Variants in USH1G observed in about 807,000 individuals in gnomAD.
The protein encoded by USH1G is pre-mRNA splicing regulator USH1G.
A neutral mutation model predicts 31.9 loss-of-function variants in USH1G; 27 were observed. The observed-to-expected ratio is 0.85, with a 90% CI of 0.62 to 1.17. USH1G has a LOEUF of 1.17. USH1G is among the 50% of genes most tolerant of loss of function. The pLI is 0.00. For synonymous variants in USH1G, 266 were observed against 283.2 expected (o/e 0.94, Z 0.61); for missense variants, 674 against 638.9 (o/e 1.05, Z -0.59).
In USH1G at chr17:74,920,209, C is replaced by G; in HGVS notation, c.627G>C (p.Thr209=). 8 of 1,602,608 alleles carry G rather than the reference C, an allele frequency of 5.0e-6. No homozygotes were observed. Among genetic ancestry groups the G allele is most frequent in the Non-Finnish European group, 6.8e-6 (8 of 1,179,816 alleles). The change falls in exon 2 of 3, where the codon ACG becomes ACC. Residue 209 remains threonine (T), a synonymous_variant. Transcript: ENST00000614341. The surrounding 1 kb of genome is among the most constrained non-coding windows in gnomAD (Gnocchi z 5.2). ...TCTGCATCTTGGTCTTGCCCCTGGC[C>G]GTGCCGTGCAGCGTGGCCTGAGAGT... The part of the protein sequence containing the change: ...LPYSQATLHG[T]ARGKTKMQKK...
At position 74,921,567 on chromosome 17, in the gene USH1G, G is replaced by T. The variant is rs1361215402; in HGVS notation, c.165-896C>A. 6.6e-6 allele frequency among the ~76,000 whole-genome samples: 1 copy of T among 152,122 alleles called. No homozygotes were observed. The highest frequency in any genetic ancestry group is 1.5e-5 in the Non-Finnish European group (1 of 67,996). ...CCACAAGGCCAACCCCCAGGGCTGG[G>T]GGAAGAATCACTCCCTTGTCTCAAC... On this transcript the variant is annotated intron_variant, in intron 1 of 2. Coordinates refer to ENST00000614341, the MANE Select transcript of USH1G (RefSeq NM_173477.5). The surrounding 1 kb of genome is among the most constrained non-coding windows in gnomAD (Gnocchi z 4.6).
In USH1G at chr17:74,920,230, A is replaced by G; in HGVS notation, c.606T>C (p.Ser202=). 6.2e-7 allele frequency: 1 copy of G among 1,603,248 alleles called. No homozygotes were observed. The highest frequency in any genetic ancestry group is 8.5e-7 in the Non-Finnish European group (1 of 1,179,780). ...HLALGSHLPY[S]QATLHGTARG... is the part of the protein sequence containing the mutation. ...TGGCCGTGCCGTGCAGCGTGGCCTG[A>G]GAGTACGGCAGGTGGCTGCCCAGCG... is the stretch of plus-strand genomic sequence containing the variant. The change falls in exon 2 of 3, where the codon TCT becomes TCC. Residue 202 remains serine (S), a synonymous_variant. Coordinates refer to ENST00000614341, the MANE Select transcript of USH1G (RefSeq NM_173477.5). The surrounding 1 kb of genome is among the most constrained non-coding windows in gnomAD (Gnocchi z 5.2).
At position 74,917,886 on chromosome 17, in the gene USH1G, C is replaced by T. The variant is rs2144749588; in HGVS notation, c.*187G>A. The T allele has an allele frequency of 1.4e-6, 1 of 720,610 alleles. No homozygotes were observed. The allele number at this position is 720,610 out of a possible 1,614,324, so 44.6% of individuals were successfully genotyped here. A position where few individuals can be genotyped will look rare whatever the true frequency, so the allele number is the denominator to read the frequency against. ...ACTGGAGTTCCGGAACATTCTCTTGCCCCTCTGGTGCCTCCAGGCCACACC... is the reference window on the plus strand; with the variant it reads ...ACTGGAGTTCCGGAACATTCTCTTGTCCCTCTGGTGCCTCCAGGCCACACC... On this transcript the variant is annotated 3_prime_UTR_variant, in exon 3 of 3. Transcript: ENST00000614341.
chr17:74,919,108 G>T lies in USH1G; in HGVS notation c.1382+346C>A, dbSNP rs983466683. ...AGGACTTGTTCAAGGGCACAACCCAGCACCTAGGAGGTGGGAGGGCTCAAA... is the reference window on the plus strand; with the variant it reads ...AGGACTTGTTCAAGGGCACAACCCATCACCTAGGAGGTGGGAGGGCTCAAA... On this transcript the variant is annotated intron_variant, in intron 2 of 2. Coordinates refer to ENST00000614341, the MANE Select transcript of USH1G (RefSeq NM_173477.5). The surrounding 1 kb of genome is among the most constrained non-coding windows in gnomAD (Gnocchi z 4.5). 2.6e-5 allele frequency among the ~76,000 whole-genome samples: 4 copies of T among 152,182 alleles called. No individual in the cohort carries two copies. In the South Asian group the frequency reaches 8.3e-4, roughly 31 times the overall value.
chr17:74,919,682 A>G lies in USH1G; in HGVS notation c.1154T>C (p.Leu385Pro). Residue 385 changes from leucine (L) to proline (P), a missense_variant, in exon 2 of 3, where the codon CTG becomes CCG. Coordinates refer to ENST00000614341, the MANE Select transcript of USH1G (RefSeq NM_173477.5). The surrounding 1 kb of genome is among the most constrained non-coding windows in gnomAD (Gnocchi z 4.5). ...DELDLGLDED[L>P]EPETSPLETF... Reference sequence around the variant, plus strand: ...CTCCAGCGGGCTAGTCTCGGGCTCCAGGTCCTCGTCCAAGCCTAAATCGAG... The same window carrying G: ...CTCCAGCGGGCTAGTCTCGGGCTCCGGGTCCTCGTCCAAGCCTAAATCGAG... The G allele has an allele frequency of 6.2e-7, 1 of 1,612,838 alleles. No homozygotes were observed. Among genetic ancestry groups the G allele is most frequent in the Non-Finnish European group, 8.5e-7 (1 of 1,180,012 alleles).
chr17:74,920,292 T>G lies in USH1G; in HGVS notation c.544A>C (p.Thr182Pro), dbSNP rs1375213456. ...AGCCGGCGGCTCAGGGTGCTGGACG[T>G]GAGGCTGGAGAAGCTGAGGGTGTCG... ...RSDTLSFSSL[T>P]SSTLSRRLQH... The change falls in exon 2 of 3, where the codon ACG becomes CCG. Residue 182 changes from threonine (T) to proline (P), a missense_variant. Transcript: ENST00000614341. The surrounding 1 kb of genome is among the most constrained non-coding windows in gnomAD (Gnocchi z 5.2). The G allele has an allele frequency of 6.2e-7, 1 of 1,605,328 alleles. No homozygotes were observed. The highest frequency in any genetic ancestry group is 1.1e-5 in the South Asian group (1 of 90,992).
In USH1G at chr17:74,919,802, C is replaced by T; in HGVS notation, c.1034G>A (p.Arg345Gln). Residue 345 changes from arginine to glutamine, a missense_variant, in exon 2 of 3, where the codon CGG (arginine) becomes CAG (glutamine). Arg to Gln is a conservative substitution (Grantham distance 43). Coordinates refer to ENST00000614341, the MANE Select transcript of USH1G (RefSeq NM_173477.5). This position sits in a 1 kb window ranked among gnomAD's most constrained non-coding sequence, Gnocchi z 4.5. ...GTCCAGGCTGGGGGAGCTCTGCAGC[C>T]GACCCCGCGGCGCTCCCACCCCATC... ...GLDGVGAPRG[R>Q]LQSSPSLDDD... The T allele has an allele frequency of 6.2e-7, 1 of 1,612,856 alleles. No individual in the cohort carries two copies. Among genetic ancestry groups the T allele is most frequent in the Non-Finnish European group, 8.5e-7 (1 of 1,179,944 alleles).
chr17:74,923,229 GC>G lies in USH1G; in HGVS notation c.-157del. The G allele has an allele frequency of 6.9e-6, 2 of 290,642 alleles. No individual in the cohort carries two copies. The highest frequency in any genetic ancestry group is 1.1e-5 in the Non-Finnish European group (2 of 190,024). 18.0% of individuals were successfully genotyped at this position (290,642 alleles called of 1,614,324 possible). A position where few individuals can be genotyped will look rare whatever the true frequency, so the allele number is the denominator to read the frequency against. On this transcript the variant is annotated 5_prime_UTR_variant, in exon 1 of 3. Transcript: ENST00000614341. The surrounding 1 kb of genome is among the most constrained non-coding windows in gnomAD (Gnocchi z 5.3). The stretch of plus-strand genomic sequence containing the variant: ...CTGCCGCAGACGGAGGGTGCGGAGC[GC>G]CAGAGCCGCGACTACCAAGACATCT...
chr17:74,920,466 G>A lies in USH1G; in HGVS notation c.370C>T (p.Gln124Ter). Residue 124 changes from glutamine (Q) to a stop codon, truncating the protein, a stop_gained, in exon 2 of 3, where the codon CAG becomes TAG. Coordinates refer to ENST00000614341, the MANE Select transcript of USH1G (RefSeq NM_173477.5). LOFTEE classifies it high-confidence loss of function. The surrounding 1 kb of genome is among the most constrained non-coding windows in gnomAD (Gnocchi z 5.2). ...VRYLDSIAAK[Q>*]SSLNPKLVGK... is the part of the protein sequence containing the mutation. Reference sequence around the variant, plus strand: ...ACCAGCTTGGGGTTGAGGCTGCTCTGCTTGGCCGCGATGGAGTCCAGGTAG... The same window carrying A: ...ACCAGCTTGGGGTTGAGGCTGCTCTACTTGGCCGCGATGGAGTCCAGGTAG... 1.2e-6 allele frequency: 2 copies of A among 1,613,770 alleles called. No individual in the cohort carries two copies. The highest frequency in any genetic ancestry group is 1.7e-6 in the Non-Finnish European group (2 of 1,180,048).
In USH1G at chr17:74,919,394, C is replaced by A. The variant is rs1254326852; in HGVS notation, c.1382+60G>T. ...CTCCTGAATAGGCAGATCTGTACCC[C>A]CTCCCCAGGGGCCTTCCAACTCCTG... On this transcript the variant is annotated intron_variant, in intron 2 of 2. Coordinates refer to ENST00000614341, the MANE Select transcript of USH1G (RefSeq NM_173477.5). This position sits in a 1 kb window ranked among gnomAD's most constrained non-coding sequence, Gnocchi z 4.5. The A allele has an allele frequency of 5.2e-6, 8 of 1,537,632 alleles. No individual in the cohort carries two copies. The Admixed American group carries it at 1.2e-4, about 23-fold the overall frequency.
Position 74,918,103 on chromosome 17 carries a change from A to C in USH1G, c.1383-27T>G, listed in dbSNP as rs748104851. The C allele has an allele frequency of 1.2e-6, 2 of 1,613,844 alleles. No homozygotes were observed. The highest frequency in any genetic ancestry group is 2.2e-5 in the South Asian group (2 of 91,002). ...TGTGGAGGAAGAGACAGAAAGAAAC[A>C]GATCTCACATGAGGCCCTCCAGAGG... On this transcript the variant is annotated intron_variant, in intron 2 of 2. Transcript: ENST00000614341. The surrounding 1 kb of genome is among the most constrained non-coding windows in gnomAD (Gnocchi z 4.1).
intron 1 of USH1G, among the ~76,000 whole-genome samples, chr17:74,922,522 G>A (rs1273394874): frequency 6.6e-6 from 1 of 152,146 alleles, no homozygotes. Flanking sequence ...AGAGTGGGCA[G>A]TGGAGACCCC....
rs1408083334 is a variant in USH1G, at chr17:74,921,281, G to A, written c.165-610C>T. ...CGGGCCTTGGCCTGGGCGGGGAGGG[G>A]AGTGTGGGGGCAGCCAGGACTGGAG... On this transcript the variant is annotated intron_variant, in intron 1 of 2. Transcript: ENST00000614341. This position sits in a 1 kb window ranked among gnomAD's most constrained non-coding sequence, Gnocchi z 4.6. 1.3e-5 allele frequency among the ~76,000 whole-genome samples: 2 copies of A among 152,082 alleles called. No individual in the cohort carries two copies. Among genetic ancestry groups the A allele is most frequent in the Non-Finnish European group, 2.9e-5 (2 of 67,960 alleles).
chr17:74,919,923 A>G lies in USH1G; in HGVS notation c.913T>C (p.Ser305Pro), dbSNP rs2038915995. 3.7e-6 allele frequency: 6 copies of G among 1,612,746 alleles called. No individual in the cohort carries two copies. The highest frequency in any genetic ancestry group is 4.2e-6 in the Non-Finnish European group (5 of 1,179,724). The change falls in exon 2 of 3, where the codon TCC becomes CCC. Residue 305 changes from serine to proline, a missense_variant. Transcript: ENST00000614341. The surrounding 1 kb of genome is among the most constrained non-coding windows in gnomAD (Gnocchi z 4.5). Reference sequence around the variant, plus strand: ...CCCAGGCCGGGGCGGGTAAACAGGGAGTCGTGGCCTGAGTCGGTGCTGACC... The same window carrying G: ...CCCAGGCCGGGGCGGGTAAACAGGGGGTCGTGGCCTGAGTCGGTGCTGACC... ...SEVSTDSGHD[S>P]LFTRPGLGTM...
In USH1G at chr17:74,919,026, C is replaced by A. The variant is rs375787354; in HGVS notation, c.1382+428G>T. 2.6e-5 allele frequency among the ~76,000 whole-genome samples: 4 copies of A among 152,074 alleles called. No individual in the cohort carries two copies. The highest frequency in any genetic ancestry group is 1.5e-5 in the Non-Finnish European group (1 of 68,020). ...TTGCTCATTGGCTGTAAAATGGGAA[C>A]GATATAATCCACCAATATAGTCCAG... On this transcript the variant is annotated intron_variant, in intron 2 of 2. Coordinates refer to ENST00000614341, the MANE Select transcript of USH1G (RefSeq NM_173477.5). This position sits in a 1 kb window ranked among gnomAD's most constrained non-coding sequence, Gnocchi z 4.5.
In USH1G at chr17:74,921,290, G is replaced by A. The variant is rs1222999160; in HGVS notation, c.165-619C>T. Among the ~76,000 whole-genome samples, 1 of 152,072 alleles carries A rather than the reference G, an allele frequency of 6.6e-6. No individual in the cohort carries two copies. The highest frequency in any genetic ancestry group is 2.4e-5 in the African/African-American group (1 of 41,394). On this transcript the variant is annotated intron_variant, in intron 1 of 2. Coordinates refer to ENST00000614341, the MANE Select transcript of USH1G (RefSeq NM_173477.5). The surrounding 1 kb of genome is among the most constrained non-coding windows in gnomAD (Gnocchi z 4.6). ...GCCTGGGCGGGGAGGGGAGTGTGGG[G>A]GCAGCCAGGACTGGAGGGGAGGAGG...
chr17:74,920,365 G>A lies in USH1G; in HGVS notation c.471C>T (p.His157=). ...GGTATCGCCGCTCCATGCGTTCGTGGTGCCTCCGCTGCAGCTTGGCGCACT... is the reference window on the plus strand; with the variant it reads ...GGTATCGCCGCTCCATGCGTTCGTGATGCCTCCGCTGCAGCTTGGCGCACT... ...IRECAKLQRR[H]HERMERRYRR... is the part of the protein sequence containing the mutation. Residue 157 remains histidine (H), a synonymous_variant, in exon 2 of 3, where the codon CAC becomes CAT. Coordinates refer to ENST00000614341, the MANE Select transcript of USH1G (RefSeq NM_173477.5). This position sits in a 1 kb window ranked among gnomAD's most constrained non-coding sequence, Gnocchi z 5.2. 3 of 1,612,490 alleles carry A rather than the reference G, an allele frequency of 1.9e-6. No homozygotes were observed. Among genetic ancestry groups the A allele is most frequent in the Non-Finnish European group, 2.5e-6 (3 of 1,179,930 alleles).
chr17:74,921,505 G>A lies in USH1G; in HGVS notation c.165-834C>T, dbSNP rs1021162415. On this transcript the variant is annotated intron_variant, in intron 1 of 2. Transcript: ENST00000614341. The surrounding 1 kb of genome is among the most constrained non-coding windows in gnomAD (Gnocchi z 4.6). ...TCCTCCGGAGCTCTCCCTCCCTTGG[G>A]GGCCCAGCACAGCACCCCTGCCCTG... Among the ~76,000 whole-genome samples, 2 of 152,084 alleles carry A rather than the reference G, an allele frequency of 1.3e-5. No individual in the cohort carries two copies. The highest frequency in any genetic ancestry group is 2.9e-5 in the Non-Finnish European group (2 of 67,978).
At position 74,920,200 on chromosome 17, in the gene USH1G, G is replaced by A. The variant is rs2038922215; in HGVS notation, c.636C>T (p.Gly212=). The A allele has an allele frequency of 1.9e-6, 3 of 1,602,354 alleles. No individual in the cohort carries two copies. The highest frequency in any genetic ancestry group is 2.5e-6 in the Non-Finnish European group (3 of 1,179,812). The change falls in exon 2 of 3, where the codon GGC becomes GGT. Residue 212 remains glycine, a synonymous_variant. Coordinates refer to ENST00000614341, the MANE Select transcript of USH1G (RefSeq NM_173477.5). The surrounding 1 kb of genome is among the most constrained non-coding windows in gnomAD (Gnocchi z 5.2). ...SQATLHGTAR[G]KTKMQKKLER... is the part of the protein sequence containing the mutation. The stretch of plus-strand genomic sequence containing the variant: ...CCAGCTTCTTCTGCATCTTGGTCTT[G>A]CCCCTGGCCGTGCCGTGCAGCGTGG...
Sources: allele counts gnomAD v4.1 joint callset (sites outside exome capture counted in the v4.1 genomes callset), GRCh38; gene constraint gnomAD v4.1.1; non-coding constraint Gnocchi (gnomAD v3.1); transcripts MANE v1.5; gene names NCBI Gene and HGNC (gene_info 2026-07-23, HGNC 2026-07-21).